The following STK3 variants were observed in gnomAD, a reference collection of about 807,000 sequenced individuals.
STK3 encodes serine/threonine kinase 3, also known as serine/threonine-protein kinase 3.
STK3 carries 41 observed loss-of-function variants against 58.0 expected under a neutral mutation model. The ratio of observed to expected loss-of-function variants is 0.71; its 90% CI spans 0.55 to 0.92. STK3 has a LOEUF of 0.92. Ranked by LOEUF, STK3 falls within the 40% of genes least tolerant of loss-of-function variation. The pLI is 0.00. For missense variants in STK3, 479 were observed against 602.7 expected (o/e 0.79, Z 2.15); for synonymous variants, 170 against 191.0 (o/e 0.89, Z 0.91).
chr8:98,474,559 T>C (rs1821165239), intron 10 of STK3, among the ~76,000 whole-genome samples: 1 of 152,212 alleles, frequency 6.6e-6, no homozygotes, highest in South Asian at 2.1e-4. Flanking sequence ...AATGATTACA[T>C]GCCTTTCCTT....
intron 6 of STK3, among the ~76,000 whole-genome samples, chr8:98,694,817 G>A (rs1312421760): frequency 6.6e-6 from 1 of 152,318 alleles, no homozygotes; most frequent in Non-Finnish European, 1.5e-5. Flanking sequence ...ACATACGTGT[G>A]CATGTGTCTT....
At chr8:98,405,219 C>T (rs975229887) in intron 3 of STK3, among the ~76,000 whole-genome samples, 2 of 152,198 alleles carry the variant, frequency 1.3e-5, no homozygotes, top group Non-Finnish European at 2.9e-5. Flanking sequence ...ATCCCCATAA[C>T]CTTATCCCAC....
At chr8:98,721,208 C>G (rs997497637) in intron 4 of STK3, 2 of 790,486 alleles carry the variant, frequency 2.5e-6, no homozygotes, top group African/African-American at 3.8e-5. Context: ...TTTAAAAATA[C>G]TTAGAAGAAA....
intron 6 of STK3, among the ~76,000 whole-genome samples, chr8:98,684,137 T>TA (rs899173987): frequency 6.6e-6 from 1 of 152,052 alleles, no homozygotes; most frequent in Non-Finnish European, 1.5e-5. Context: ...AATGAAGAAG[T>TA]AAAAAATAAC....
chr8:98,719,431 T>C (rs1459334205), intron 4 of STK3, among the ~76,000 whole-genome samples: 1 of 152,204 alleles, frequency 6.6e-6, no homozygotes, highest in Non-Finnish European at 1.5e-5. Flanking sequence ...ACTGCTCTAC[T>C]AAAGAATGTT....
intron 10 of STK3, among the ~76,000 whole-genome samples, chr8:98,504,718 C>G (rs1387821391): frequency 6.6e-6 from 1 of 152,142 alleles, no homozygotes; most frequent in African/African-American, 2.4e-5. Context: ...AATACTGGCC[C>G]CCACTGTCTA....
chr8:98,605,065 CA>C (rs1361566923), intron 6 of STK3, among the ~76,000 whole-genome samples: 6 of 152,130 alleles, frequency 3.9e-5, no homozygotes, highest in African/African-American at 1.2e-4. Flanking sequence ...TTTCATTGTC[CA>C]TATCACTATC....
chr8:98,803,593 CAA>C (rs34316563), intron 1 of STK3, among the ~76,000 whole-genome samples: 21 of 38,854 alleles, frequency 5.4e-4, no homozygotes, highest in Non-Finnish European at 7.7e-4. Context: ...GACTCTGTTT[CAA>C]AAAAAAAAAA....
intron 8 of STK3, among the ~76,000 whole-genome samples, chr8:98,566,522 T>C (rs967199556): frequency 6.6e-6 from 1 of 152,080 alleles, no homozygotes; most frequent in Non-Finnish European, 1.5e-5. Context: ...TATAAATCTC[T>C]CCCTTAATGT....
chr8:98,466,440 T>G (rs1820468547), intron 10 of STK3, among the ~76,000 whole-genome samples: 1 of 152,206 alleles, frequency 6.6e-6, no homozygotes, highest in African/African-American at 2.4e-5. Context: ...TTTTACTTAT[T>G]AAAAGTCCAG....
downstream of STK3, chr8:98,882,341 G>A (rs974219030): frequency 2.0e-5 from 3 of 151,502 alleles, no homozygotes; most frequent in Non-Finnish European, 2.9e-5. Flanking sequence ...ATAAGTAATT[G>A]AAGAGGTAAA....
chr8:98,773,097 T>A (rs193254541), intron 2 of STK3, among the ~76,000 whole-genome samples: 29 of 152,290 alleles, frequency 1.9e-4, no homozygotes. Flanking sequence ...ACAGGTACTT[T>A]ATATATTTTT....
At position 98,544,648 on chromosome 8, in the gene STK3, T is replaced by C. The variant is rs535650706; in HGVS notation, c.1141+3321A>G. On this transcript the variant is annotated intron_variant, in intron 9 of 10. Transcript: ENST00000419617. Reference sequence around the variant, plus strand: ...GAGCTATGTATCTTTAATTCTACTATAACACACACACACACACACACACAC... The same window carrying C: ...GAGCTATGTATCTTTAATTCTACTACAACACACACACACACACACACACAC... Among the ~76,000 whole-genome samples the C allele has an allele frequency of 2.1e-4, 20 of 95,658 alleles. No homozygotes were observed. In the South Asian group the frequency reaches 4.9e-3, roughly 23 times the overall value. 62.8% of individuals were successfully genotyped at this position (95,658 alleles called of 152,430 possible).
At chr8:98,852,171 C>G (rs930662440) in intron 3 of STK3, among the ~76,000 whole-genome samples, 3 of 149,444 alleles carry the variant, frequency 2.0e-5, no homozygotes, top group African/African-American at 7.4e-5. Flanking sequence ...GAGTTTTGCT[C>G]TTGTTGCCCA....
chr8:98,423,272 G>A (rs1022541322), intron 3 of STK3, among the ~76,000 whole-genome samples: 1 of 152,254 alleles, frequency 6.6e-6, no homozygotes, highest in Admixed American at 6.5e-5. Flanking sequence ...TTAGACTGGG[G>A]AGTCAGGCCT....
At position 98,474,292 on chromosome 8, in the gene STK3, G is replaced by T. The variant is rs150931819; in HGVS notation, c.1318-18292C>A. 2.7e-4 allele frequency among the ~76,000 whole-genome samples: 41 copies of T among 152,252 alleles called. No homozygotes were observed. The East Asian group carries it at 6.6e-3, about 24-fold the overall frequency. On this transcript the variant is annotated intron_variant, in intron 10 of 10. Coordinates refer to ENST00000419617, the MANE Select transcript of STK3 (RefSeq NM_006281.4). ...CAATTCACTCTCCATACAGCAGCCA[G>T]AATTATTGTTTAAAAATGTATACTG...
Position 98,617,272 on chromosome 8 carries a change from A to G in STK3, c.685-21103T>C, listed in dbSNP as rs527552653. Among the ~76,000 whole-genome samples the G allele has an allele frequency of 3.4e-3, 498 of 145,888 alleles. 2 individuals carry two copies. The highest frequency in any genetic ancestry group is 5.6e-3 in the Non-Finnish European group (371 of 66,568). ...ATGTTCTTTGAAACCAACGAGAACA[A>G]AGACACAACATACCAGAATCTCTGG... On this transcript the variant is annotated intron_variant, in intron 6 of 10. Transcript: ENST00000419617.
chr8:98,923,852 TGTGCGCGCGCGC>T (rs149640608), intron 1 of STK3, among the ~76,000 whole-genome samples: 6,911 of 128,284 alleles, frequency 0.054, 344 homozygotes, highest in African/African-American at 0.14. Context: ...TGTGTGTGTG[TGTGCGCGCGCGC>T]GCGCGCGCGC....
At chr8:98,823,504 A>G (rs1835044613) in intron 1 of STK3, among the ~76,000 whole-genome samples, 1 of 152,232 alleles carries the variant, frequency 6.6e-6, no homozygotes, top group Non-Finnish European at 1.5e-5. Context: ...CAGATGCAGA[A>G]TTCTGGCACT....
Sources: allele counts gnomAD v4.1 joint callset (sites outside exome capture counted in the v4.1 genomes callset), GRCh38; gene constraint gnomAD v4.1.1; transcripts MANE v1.5; gene names NCBI Gene and HGNC (gene_info 2026-07-23, HGNC 2026-07-21).